PPP2R2A: variants seen among roughly 807,000 people sequenced by gnomAD.
PPP2R2A encodes protein phosphatase 2 regulatory subunit Balpha, also known as serine/threonine-protein phosphatase 2A 55 kDa regulatory subunit B alpha isoform.
In PPP2R2A, 9 loss-of-function variants were observed where a neutral mutation model predicts 53.2. The ratio of observed to expected loss-of-function variants is 0.17; its 90% CI spans 0.10 to 0.30. The LOEUF (loss-of-function observed/expected upper bound fraction) is 0.30, where lower values mean the gene tolerates loss of function less well. Among genes scored for constraint, PPP2R2A ranks in the 10% least tolerant of loss-of-function variants. The pLI is 1.00. For missense variants in PPP2R2A, 235 were observed against 534.6 expected (o/e 0.44, Z 5.53); for synonymous variants, 169 against 174.2 (o/e 0.97, Z 0.23).
At chr8:26,326,207 A>T (rs905022003) in intron 2 of PPP2R2A, among the ~76,000 whole-genome samples, 6 of 152,202 alleles carry the variant, frequency 3.9e-5, no homozygotes, top group African/African-American at 1.4e-4. Flanking sequence ...GGTCACTATC[A>T]TTGCTAAACT....
At chr8:26,340,992 T>C (rs1469144570) in intron 3 of PPP2R2A, among the ~76,000 whole-genome samples, 2 of 152,138 alleles carry the variant, frequency 1.3e-5, no homozygotes, top group Non-Finnish European at 2.9e-5. Context: ...TAAGAAGAAT[T>C]GAGCAGAATA....
intron 2 of PPP2R2A, among the ~76,000 whole-genome samples, chr8:26,330,118 T>G (rs946538137): frequency 1.3e-5 from 2 of 152,224 alleles, no homozygotes; most frequent in Admixed American, 6.5e-5. Flanking sequence ...TTTTTCTTCC[T>G]GTCTTTGCTT....
Position 26,368,435 on chromosome 8 carries a change from G to A in PPP2R2A, c.1065-1699G>A, listed in dbSNP as rs571811955. On this transcript the variant is annotated intron_variant, in intron 9 of 9. Coordinates refer to ENST00000380737, the MANE Select transcript of PPP2R2A (RefSeq NM_002717.4). Reference sequence around the variant, plus strand: ...CAAACTTACGAAGTTTTGTTTGTGAGGATACTTAATAAATGTCGAGCAGTA... The same window carrying A: ...CAAACTTACGAAGTTTTGTTTGTGAAGATACTTAATAAATGTCGAGCAGTA... Among the ~76,000 whole-genome samples the A allele has an allele frequency of 9.7e-4, 147 of 152,272 alleles. 1 individual carries two copies. The highest frequency in any genetic ancestry group is 3.4e-3 in the African/African-American group (141 of 41,538).
Position 26,361,248 on chromosome 8 carries a change from T to C in PPP2R2A, c.637+97T>C, listed in dbSNP as rs147920466. ...TCCTAATGAATTTGGTTGCTTTTTA[T>C]AGTCTGTGTACATATATGTATGGCA... On this transcript the variant is annotated intron_variant, in intron 6 of 9. Coordinates refer to ENST00000380737, the MANE Select transcript of PPP2R2A (RefSeq NM_002717.4). The C allele has an allele frequency of 4.4e-5, 55 of 1,259,910 alleles. 1 individual carries two copies. The African/African-American group carries it at 7.2e-4, about 16-fold the overall frequency. 78.0% of individuals were successfully genotyped at this position (1,259,910 alleles called of 1,614,324 possible).
intron 8 of PPP2R2A, chr8:26,365,668 TC>T: frequency 6.6e-6 from 1 of 152,288 alleles, no homozygotes. Context: ...ATATGAGATT[TC>T]TAGTTTATCC....
At chr8:26,336,806 A>G (rs1303996517) in intron 2 of PPP2R2A, among the ~76,000 whole-genome samples, 3 of 151,856 alleles carry the variant, frequency 2.0e-5, no homozygotes, top group African/African-American at 7.3e-5. Flanking sequence ...GCTTGAGCCC[A>G]GAAGTTCGAC....
rs375217589 is a variant in PPP2R2A, at chr8:26,354,416, T to G, written c.181-52T>G. On this transcript the variant is annotated intron_variant, in intron 3 of 9. Transcript: ENST00000380737. This position sits in a 1 kb window ranked among gnomAD's most constrained non-coding sequence, Gnocchi z 4.6. ...CTTTGGAATTGATTACATATTTGAT[T>G]ATTTTGAAATATTTTTCAACAATGG... 2.8e-5 allele frequency: 39 copies of G among 1,378,436 alleles called. No individual in the cohort carries two copies. The highest frequency in any genetic ancestry group is 3.7e-5 in the Non-Finnish European group (38 of 1,024,560). The allele number at this position is 1,378,436 out of a possible 1,614,324, so 85.4% of individuals were successfully genotyped here.
chr8:26,368,950 C>CA (rs889422077), intron 9 of PPP2R2A, among the ~76,000 whole-genome samples: 36 of 151,160 alleles, frequency 2.4e-4, no homozygotes, highest in African/African-American at 7.0e-4. Context: ...ACTGAAAATA[C>CA]AAAAAAAACT....
At chr8:26,350,081 G>A (rs1270600087) in intron 3 of PPP2R2A, among the ~76,000 whole-genome samples, 1 of 150,310 alleles carries the variant, frequency 6.7e-6, no homozygotes, top group Non-Finnish European at 1.5e-5. Flanking sequence ...GTTTTTTTTT[G>A]AGACGAAGTC....
intron 2 of PPP2R2A, among the ~76,000 whole-genome samples, chr8:26,302,864 G>A (rs183165134): frequency 2.0e-5 from 3 of 152,178 alleles, no homozygotes; most frequent in Non-Finnish European, 4.4e-5. Context: ...TTTTGTTAAT[G>A]TGTGAGGTTT....
chr8:26,327,464 A>G (rs1312847109), intron 2 of PPP2R2A, among the ~76,000 whole-genome samples: 5 of 152,184 alleles, frequency 3.3e-5, no homozygotes, highest in East Asian at 1.9e-4. Context: ...TTAAGGAGGA[A>G]GGGATTCCTA....
At chr8:26,353,483 G>A (rs1449066200) in intron 3 of PPP2R2A, among the ~76,000 whole-genome samples, 1 of 152,090 alleles carries the variant, frequency 6.6e-6, no homozygotes, top group African/African-American at 2.4e-5. Flanking sequence ...ACATTTCACT[G>A]GGTAACTCAC....
intron 2 of PPP2R2A, among the ~76,000 whole-genome samples, chr8:26,306,995 C>T (rs1222506376): frequency 5.3e-5 from 8 of 152,106 alleles, no homozygotes; most frequent in East Asian, 1.9e-4. Context: ...TTTTTAACAG[C>T]GCATCTTTAT....
At chr8:26,298,517 T>C (rs190475847) in intron 2 of PPP2R2A, 2 of 152,406 alleles carry the variant, frequency 1.3e-5, no homozygotes, top group East Asian at 3.9e-4. Flanking sequence ...CACACTATGA[T>C]TAAATTGGAC....
rs1165326948 is a variant in PPP2R2A at position 26,362,164 on chromosome 8, A to C, written c.638-520A>C. Among the ~76,000 whole-genome samples, 1 of 151,624 alleles carries C rather than the reference A, an allele frequency of 6.6e-6. No individual in the cohort carries two copies. The highest frequency in any genetic ancestry group is 1.5e-5 in the Non-Finnish European group (1 of 67,936). Reference sequence around the variant, plus strand: ...AGATTAAGATTAGAAAAAGAAATTCACGCAAGTCATGATGCATGATTGGGT... The same window carrying C: ...AGATTAAGATTAGAAAAAGAAATTCCCGCAAGTCATGATGCATGATTGGGT... On this transcript the variant is annotated intron_variant, in intron 6 of 9. Coordinates refer to ENST00000380737, the MANE Select transcript of PPP2R2A (RefSeq NM_002717.4). The surrounding 1 kb of genome is among the most constrained non-coding windows in gnomAD (Gnocchi z 4.4).
intron 4 of PPP2R2A, among the ~76,000 whole-genome samples, chr8:26,356,000 G>T (rs1433021166): frequency 6.6e-6 from 1 of 152,138 alleles, no homozygotes; most frequent in Admixed American, 6.5e-5. Flanking sequence ...GGGGTCTTGA[G>T]TCTAAAGGGA....
At chr8:26,318,175 A>C (rs1302299959) in intron 2 of PPP2R2A, among the ~76,000 whole-genome samples, 3 of 152,106 alleles carry the variant, frequency 2.0e-5, no homozygotes, top group African/African-American at 7.2e-5. Context: ...TACAGCTACT[A>C]ATTCTTAGAA....
At chr8:26,312,816 A>G (rs1340221040) in intron 2 of PPP2R2A, among the ~76,000 whole-genome samples, 2 of 152,138 alleles carry the variant, frequency 1.3e-5, no homozygotes, top group Non-Finnish European at 2.9e-5. Flanking sequence ...TTCATCTCAG[A>G]TCAGGGCCTC....
intron 2 of PPP2R2A, among the ~76,000 whole-genome samples, chr8:26,330,308 T>A (rs1803302572): frequency 1.2e-4 from 1 of 8,258 alleles, no homozygotes; most frequent in Non-Finnish European, 2.3e-4. Context: ...TTCTTTTTTC[T>A]TTTTTTTTTT....
Sources: allele counts gnomAD v4.1 joint callset (sites outside exome capture counted in the v4.1 genomes callset), GRCh38; gene constraint gnomAD v4.1.1; non-coding constraint Gnocchi (gnomAD v3.1); transcripts MANE v1.5; gene names NCBI Gene and HGNC (gene_info 2026-07-23, HGNC 2026-07-21).